Variants in ETNPPL observed in about 807,000 individuals in gnomAD.
The protein encoded by ETNPPL is alanine--glyoxylate aminotransferase 2-like 1.
In ETNPPL, 30 loss-of-function variants were observed where a neutral mutation model predicts 55.5. The ratio of observed to expected loss-of-function variants is 0.54; its 90% CI spans 0.40 to 0.73. ETNPPL has a LOEUF of 0.73. Among genes scored for constraint, ETNPPL ranks in the 30% least tolerant of loss-of-function variants. The pLI is 0.00. For missense variants in ETNPPL, 528 were observed against 607.9 expected (o/e 0.87, Z 1.38); for synonymous variants, 202 against 207.2 (o/e 0.98, Z 0.21).
intron 6 of ETNPPL, among the ~76,000 whole-genome samples, chr4:108,752,418 C>A (rs916102367): frequency 6.6e-6 from 1 of 152,138 alleles, no homozygotes; most frequent in African/African-American, 2.4e-5. Flanking sequence ...TCTTAGAAGT[C>A]CAGGCCCACA....
intron 1 of ETNPPL, among the ~76,000 whole-genome samples, chr4:108,761,113 T>C (rs1343740003): frequency 1.3e-5 from 2 of 152,224 alleles, no homozygotes; most frequent in African/African-American, 2.4e-5. Flanking sequence ...TCCATACTTT[T>C]ATTTGGATGA....
At chr4:108,762,428 C>T (rs1249470194) in intron 1 of ETNPPL, 1 of 559,902 alleles carries the variant, frequency 1.8e-6, no homozygotes, top group Non-Finnish European at 3.4e-6. Context: ...GCGGAGCCAT[C>T]ATGAAAAAAT....
At chr4:108,761,498 A>T (rs1226278437) in intron 1 of ETNPPL, among the ~76,000 whole-genome samples, 1 of 152,210 alleles carries the variant, frequency 6.6e-6, no homozygotes, top group Admixed American at 6.5e-5. Flanking sequence ...CCAAAAAAAA[A>T]CTTTGTTAAG....
chr4:108,758,143 C>A, intron 3 of ETNPPL, among the ~76,000 whole-genome samples: 1 of 151,640 alleles, frequency 6.6e-6, no homozygotes, highest in East Asian at 2.0e-4. Flanking sequence ...AGGCACACAC[C>A]ACCACGTGCA....
intron 9 of ETNPPL, chr4:108,747,764 T>G (rs897748936): frequency 2.7e-6 from 1 of 375,198 alleles, no homozygotes. Context: ...GATTTCACCC[T>G]ATCACCCAGG....
chr4:108,746,003 C>T (rs892054386), intron 11 of ETNPPL, among the ~76,000 whole-genome samples: 9 of 151,518 alleles, frequency 5.9e-5, no homozygotes, highest in Admixed American at 6.6e-5. Flanking sequence ...ACACTGTAGC[C>T]TATATAATTT....
intron 3 of ETNPPL, among the ~76,000 whole-genome samples, chr4:108,758,964 A>C (rs1161914824): frequency 6.6e-6 from 1 of 151,150 alleles, no homozygotes; most frequent in Non-Finnish European, 1.5e-5. Context: ...CAGGAGAATC[A>C]CTCAAACCCG....
At chr4:108,754,933 AG>A (rs1213428960) in intron 4 of ETNPPL, 1 of 479,796 alleles carries the variant, frequency 2.1e-6, no homozygotes, top group African/African-American at 2.0e-5. Flanking sequence ...TAGAAAGCCA[AG>A]CATGTGTCCT....
Position 108,756,298 on chromosome 4 carries a change from A to G in ETNPPL, c.410+120T>C, listed in dbSNP as rs1729191536. The G allele has an allele frequency of 6.2e-6, 4 of 649,230 alleles. No individual in the cohort carries two copies. The South Asian group carries it at 8.8e-5, about 14-fold the overall frequency. 40.2% of individuals were successfully genotyped at this position (649,230 alleles called of 1,614,324 possible). A position where few individuals can be genotyped will look rare whatever the true frequency, so the allele number is the denominator to read the frequency against. ...AATACATAATTTTTAAAAACATTAAAACATTGCTCCATATATCTGTCCTCT... is the reference window on the plus strand; with the variant it reads ...AATACATAATTTTTAAAAACATTAAGACATTGCTCCATATATCTGTCCTCT... On this transcript the variant is annotated intron_variant, in intron 4 of 12. Coordinates refer to ENST00000296486, the MANE Select transcript of ETNPPL (RefSeq NM_031279.4).
chr4:108,754,377 G>A (rs1355536017), intron 5 of ETNPPL, among the ~76,000 whole-genome samples: 1 of 152,156 alleles, frequency 6.6e-6, no homozygotes, highest in African/African-American at 2.4e-5. Context: ...AAAATAAAAT[G>A]ATAGCTCTGA....
intron 7 of ETNPPL, among the ~76,000 whole-genome samples, chr4:108,750,525 T>TGTGTGTGC: frequency 6.7e-6 from 1 of 148,924 alleles, no homozygotes. Flanking sequence ...TGTGTGTGTG[T>TGTGTGTGC]ATGATATGTG....
intron 11 of ETNPPL, among the ~76,000 whole-genome samples, chr4:108,745,498 A>G (rs1434433495): frequency 6.6e-6 from 1 of 151,996 alleles, no homozygotes; most frequent in African/African-American, 2.4e-5. Flanking sequence ...GGTGGCTGAG[A>G]CAGGAGAATT....
intron 5 of ETNPPL, 50 bp from the exon 6 acceptor site, chr4:108,753,061 C>A: frequency 3.0e-6 from 3 of 1,014,642 alleles, no homozygotes; most frequent in Non-Finnish European, 4.5e-6. Context: ...TTTCGACAAA[C>A]CTTAAAAAAA....
chr4:108,742,722 A>G (rs1728278472), intron 12 of ETNPPL, 110 bp from the exon 13 acceptor site: 3 of 1,197,502 alleles, frequency 2.5e-6, no homozygotes, highest in Non-Finnish European at 3.6e-6. Flanking sequence ...AAACCAAACA[A>G]AACAACACTG....
At chr4:108,746,651 T>G in intron 10 of ETNPPL, 111 bp downstream of exon 10, 12 of 1,462,166 alleles carry the variant, frequency 8.2e-6, no homozygotes, top group Non-Finnish European at 1.1e-5. Context: ...ATAAATAGGA[T>G]GTATTTAAAC....
At chr4:108,754,181 T>C (rs1464628614) in intron 5 of ETNPPL, among the ~76,000 whole-genome samples, 1 of 151,994 alleles carries the variant, frequency 6.6e-6, no homozygotes, top group African/African-American at 2.4e-5. Flanking sequence ...TTTCGCCATG[T>C]TGTCCAGGCT....
At chr4:108,762,425 C>T in intron 1 of ETNPPL, 1 of 553,810 alleles carries the variant, frequency 1.8e-6, no homozygotes, top group South Asian at 1.5e-5. Context: ...TTTGCGGAGC[C>T]ATCATGAAAA....
Position 108,742,408 on chromosome 4 carries a change from G to A in ETNPPL, c.*76C>T, listed in dbSNP as rs184647653. 3.1e-4 allele frequency: 444 copies of A among 1,451,972 alleles called. 2 individuals are homozygous for A. The African/African-American group carries it at 5.4e-3, about 18-fold the overall frequency. 89.9% of individuals were successfully genotyped at this position (1,451,972 alleles called of 1,614,324 possible). On this transcript the variant is annotated 3_prime_UTR_variant, in exon 13 of 13. Transcript: ENST00000296486. ...ATTCCACCTTTAGAGGTATAATAGA[G>A]CTATTAACCGATGAGACACATCTAC... is the stretch of plus-strand genomic sequence containing the variant.
At chr4:108,758,841 G>A (rs938203559) in intron 3 of ETNPPL, among the ~76,000 whole-genome samples, 1 of 152,058 alleles carries the variant, frequency 6.6e-6, no homozygotes, top group East Asian at 1.9e-4. Flanking sequence ...ACCTGAGGTC[G>A]GGAGTTTGAG....
Sources: gnomAD v4.1 joint callset for allele counts (sites outside exome capture counted in the v4.1 genomes callset) on GRCh38, gnomAD v4.1.1 for gene constraint, MANE v1.5 for transcripts, NCBI Gene and HGNC (gene_info 2026-07-23, HGNC 2026-07-21) for gene names.